PIGU: variants seen among roughly 807,000 people sequenced by gnomAD.
PIGU encodes phosphatidylinositol glycan anchor biosynthesis class U.
A neutral mutation model predicts 49.9 loss-of-function variants in PIGU; 24 were observed. The observed-to-expected ratio is 0.48, with a 90% confidence interval of 0.35 to 0.68. The LOEUF (loss-of-function observed/expected upper bound fraction) is 0.68, where lower values mean the gene tolerates loss of function less well. Ranked by LOEUF, PIGU falls within the 30% of genes least tolerant of loss-of-function variation. The pLI is 0.01. For synonymous variants in PIGU, 220 were observed against 205.7 expected, an observed-to-expected ratio of 1.07 and a Z score of -0.59; for missense variants, 490 against 532.6, an observed-to-expected ratio of 0.92 and a Z score of 0.79.
In PIGU at chr20:34,600,823, T is replaced by C. The variant is rs549671075; in HGVS notation, c.628-12216A>G. On this transcript the variant is annotated intron_variant, in intron 7 of 11. Coordinates refer to ENST00000217446, the MANE Select transcript of PIGU (RefSeq NM_080476.5). The stretch of plus-strand genomic sequence containing the variant: ...GCTGAGGCAGGTAGATCACCTGAGG[T>C]TGGGAGTTCGAGACCAGCCTGACAA... Among the ~76,000 whole-genome samples the C allele has an allele frequency of 3.1e-3, 477 of 152,090 alleles. 2 individuals are homozygous for C. The highest frequency in any genetic ancestry group is 6.8e-3 in the Middle Eastern group (2 of 294).
At chr20:34,565,934 G>A (rs1023852452) in intron 11 of PIGU, among the ~76,000 whole-genome samples, 8 of 147,172 alleles carry the variant, frequency 5.4e-5, no homozygotes, top group Admixed American at 4.1e-4. Context: ...GCTCAGACAC[G>A]CTCACATTGC....
chr20:34,598,451 A>G (rs567703707), intron 7 of PIGU, among the ~76,000 whole-genome samples: 1 of 152,366 alleles, frequency 6.6e-6, no homozygotes, highest in Non-Finnish European at 1.5e-5. Flanking sequence ...ACAGTTGAGA[A>G]AAATGTTTCA....
In PIGU at chr20:34,577,568, T is replaced by A. The variant is rs564910196; in HGVS notation, c.1052-2322A>T. Among the ~76,000 whole-genome samples the A allele has an allele frequency of 4.6e-5, 7 of 152,108 alleles. No individual in the cohort carries two copies. In the South Asian group the frequency reaches 1.2e-3, roughly 27 times the overall value. On this transcript the variant is annotated intron_variant, in intron 10 of 11. Coordinates refer to ENST00000217446, the MANE Select transcript of PIGU (RefSeq NM_080476.5). Reference sequence around the variant, plus strand: ...CCGTCTCTACTAAAAATACAAAAATTAGCCAGGCATGGTGGCGGGTGCCTA... The same window carrying A: ...CCGTCTCTACTAAAAATACAAAAATAAGCCAGGCATGGTGGCGGGTGCCTA...
chr20:34,581,753 A>T, intron 9 of PIGU, 81 bp from the exon 10 acceptor site: 1 of 1,509,904 alleles, frequency 6.6e-7, no homozygotes, highest in Non-Finnish European at 9.0e-7. Flanking sequence ...CCATCCTTTG[A>T]ACCAAAAATA....
chr20:34,611,078 C>A (rs139462324), intron 7 of PIGU, among the ~76,000 whole-genome samples: 5 of 152,104 alleles, frequency 3.3e-5, no homozygotes, highest in African/African-American at 1.2e-4. Context: ...AAGACTTATA[C>A]GTAAAACCTA....
At chr20:34,569,638 G>A (rs554449139) in intron 11 of PIGU, among the ~76,000 whole-genome samples, 1 of 152,334 alleles carries the variant, frequency 6.6e-6, no homozygotes, top group East Asian at 1.9e-4. Flanking sequence ...GGATACAAGG[G>A]TAAGGGGGCT....
intron 7 of PIGU, among the ~76,000 whole-genome samples, chr20:34,604,253 C>A (rs1044671793): frequency 7.2e-5 from 11 of 152,072 alleles, no homozygotes; most frequent in Middle Eastern, 6.4e-3. Context: ...TTCAGAAAAA[C>A]CCCAGCTACA....
At chr20:34,620,567 T>C (rs1985168155) in intron 6 of PIGU, among the ~76,000 whole-genome samples, 1 of 151,872 alleles carries the variant, frequency 6.6e-6, no homozygotes, top group Non-Finnish European at 1.5e-5. Flanking sequence ...ATCCCAGCAC[T>C]TTGGGAGGCT....
At chr20:34,562,378 T>G in intron 11 of PIGU, 1 of 1,250,322 alleles carries the variant, frequency 8.0e-7, no homozygotes, top group Non-Finnish European at 1.0e-6. Flanking sequence ...GCAAGACAGG[T>G]TGAGCTAAGC....
intron 7 of PIGU, among the ~76,000 whole-genome samples, chr20:34,604,394 G>T (rs535712932): frequency 2.0e-4 from 31 of 152,206 alleles, no homozygotes; most frequent in African/African-American, 7.0e-4. Context: ...ACTCTTAAAG[G>T]GAGTTAACCT....
In PIGU at chr20:34,676,998, CG is replaced by C. The variant is rs914422726; in HGVS notation, c.87del (p.Glu30SerfsTer9). On this transcript the variant is annotated frameshift_variant, in exon 1 of 12. Transcript: ENST00000217446. LOFTEE classifies it high-confidence loss of function. ...AGTGGGGACACCACCTCCACCCGCTCGGAAATGAACTCGGCCAGACTGGAGC... is the reference window on the plus strand; with the variant it reads ...AGTGGGGACACCACCTCCACCCGCTCGAAATGAACTCGGCCAGACTGGAGC... ...LFRSSLAEFI[S>X]ERVEVVSPLS... The C allele has an allele frequency of 6.3e-7, 1 of 1,583,212 alleles. No individual in the cohort carries two copies. Among genetic ancestry groups the C allele is most frequent in the African/African-American group, 1.3e-5 (1 of 74,628 alleles).
At chr20:34,586,345 A>G (rs1284765770) in intron 8 of PIGU, among the ~76,000 whole-genome samples, 1 of 151,650 alleles carries the variant, frequency 6.6e-6, no homozygotes, top group Non-Finnish European at 1.5e-5. Flanking sequence ...CGCCCAGGTT[A>G]ACTTTTGCCT....
intron 6 of PIGU, among the ~76,000 whole-genome samples, chr20:34,632,628 G>A (rs1000235902): frequency 3.9e-5 from 6 of 152,068 alleles, no homozygotes; most frequent in African/African-American, 1.4e-4. Flanking sequence ...GCCTCCCAAA[G>A]TGCTGGGATT....
chr20:34,672,521 C>T lies in PIGU; in HGVS notation c.130+4435G>A, dbSNP rs374364701. ...AATTGGTATATGACCCAAATCAGTT[C>T]AATGTGACTTAATTCCAGAGCTTTC... is the stretch of plus-strand genomic sequence containing the variant. On this transcript the variant is annotated intron_variant, in intron 1 of 11. Coordinates refer to ENST00000217446, the MANE Select transcript of PIGU (RefSeq NM_080476.5). 3.3e-5 allele frequency among the ~76,000 whole-genome samples: 5 copies of T among 151,838 alleles called. No homozygotes were observed. In the East Asian group the frequency reaches 9.7e-4, roughly 29 times the overall value.
intron 6 of PIGU, among the ~76,000 whole-genome samples, chr20:34,616,412 T>C (rs1439648458): frequency 6.6e-6 from 1 of 152,096 alleles, no homozygotes; most frequent in Non-Finnish European, 1.5e-5. Flanking sequence ...CCAGAACGAT[T>C]TTACAAAATT....
intron 7 of PIGU, among the ~76,000 whole-genome samples, chr20:34,612,657 T>G (rs1984863901): frequency 6.6e-6 from 1 of 151,178 alleles, no homozygotes; most frequent in Non-Finnish European, 1.5e-5. Flanking sequence ...AGAGTGTCAC[T>G]TCATCACCCA....
chr20:34,667,606 T>G (rs1473511987), intron 1 of PIGU, among the ~76,000 whole-genome samples: 2 of 152,032 alleles, frequency 1.3e-5, no homozygotes, highest in African/African-American at 4.8e-5. Flanking sequence ...GTATAAAATA[T>G]CCAAATCTAT....
At chr20:34,585,724 C>T in intron 8 of PIGU, 144 bp from the exon 9 acceptor site, 2 of 799,868 alleles carry the variant, frequency 2.5e-6, no homozygotes, top group Non-Finnish European at 4.0e-6. Flanking sequence ...GGGAAGGGCT[C>T]TCTAGGTACC....
intron 10 of PIGU, among the ~76,000 whole-genome samples, chr20:34,578,865 T>C (rs1983343656): frequency 6.6e-6 from 1 of 152,148 alleles, no homozygotes; most frequent in South Asian, 2.1e-4. Context: ...GTGAAAGGCT[T>C]CACCCTTCAT....
Sources: allele counts gnomAD v4.1 joint callset (sites outside exome capture counted in the v4.1 genomes callset), GRCh38; gene constraint gnomAD v4.1.1; transcripts MANE v1.5; gene names NCBI Gene and HGNC (gene_info 2026-07-23, HGNC 2026-07-21).